Variants in RAB1A observed in about 807,000 individuals in gnomAD.
RAB1A encodes RAB1A, member RAS oncogene family, also known as ras-related protein Rab-1A.
RAB1A carries 2 observed loss-of-function variants against 26.0 expected under a neutral mutation model. That is an observed-to-expected ratio of 0.08 (90% CI 0.03 to 0.24). The LOEUF is 0.24. Among genes scored for constraint, RAB1A ranks in the 10% least tolerant of loss-of-function variants. The pLI is 1.00. For missense variants in RAB1A, 100 were observed against 247.0 expected, an observed-to-expected ratio of 0.40 and a Z score of 3.99; for synonymous variants, 84 against 84.9, an observed-to-expected ratio of 0.99 and a Z score of 0.06.
intron 1 of RAB1A, among the ~76,000 whole-genome samples, chr2:65,119,841 C>CAAAAAAAAAAAA (rs1178958164): frequency 3.6e-4 from 13 of 36,422 alleles, no homozygotes; most frequent in African/African-American, 1.3e-3. Flanking sequence ...CCTGTCTCTA[C>CAAAAAAAAAAAA]AAAAAAAAAA....
At position 65,088,466 on chromosome 2, in the gene RAB1A, G is replaced by C; in HGVS notation, c.*27C>G. On this transcript the variant is annotated 3_prime_UTR_variant, in exon 6 of 6. Transcript: ENST00000409784. ...CTTGGGTTCAGATTGCAAATTCATT[G>C]CTGTGAGAAAAGGATGGAGGCAAAT... is the stretch of plus-strand genomic sequence containing the variant. 5 of 1,569,102 alleles carry C rather than the reference G, an allele frequency of 3.2e-6. No homozygotes were observed. Among genetic ancestry groups the C allele is most frequent in the Non-Finnish European group, 4.3e-6 (5 of 1,156,438 alleles).
chr2:65,116,405 C>G (rs988288871), intron 1 of RAB1A, among the ~76,000 whole-genome samples: 1 of 152,180 alleles, frequency 6.6e-6, no homozygotes, highest in Non-Finnish European at 1.5e-5. Context: ...TGAGGCTCTA[C>G]TGCATACCAG....
chr2:65,091,973 G>A (rs942136254), intron 3 of RAB1A, among the ~76,000 whole-genome samples: 11 of 152,136 alleles, frequency 7.2e-5, no homozygotes, highest in African/African-American at 2.7e-4. Context: ...TTATAGTTCT[G>A]GGTTTTAAAA....
At chr2:65,129,763 C>T in intron 1 of RAB1A, 130 bp downstream of exon 1, 1 of 1,420,540 alleles carries the variant, frequency 7.0e-7, no homozygotes, top group South Asian at 1.3e-5. Flanking sequence ...CGGCCGCCAG[C>T]CTCTCCTGAC....
intron 3 of RAB1A, among the ~76,000 whole-genome samples, chr2:65,093,843 C>A (rs763561507): frequency 6.6e-6 from 1 of 151,972 alleles, no homozygotes; most frequent in African/African-American, 2.4e-5. Context: ...AGGCTGGTCA[C>A]GAACTCCTGA....
intron 2 of RAB1A, among the ~76,000 whole-genome samples, chr2:65,100,613 T>A (rs1455644349): frequency 2.0e-5 from 3 of 146,706 alleles, no homozygotes; most frequent in Non-Finnish European, 3.0e-5. Context: ...TACAAAAAAT[T>A]AGTGGGTGTG....
chr2:65,095,533 T>TG (rs1217517625), intron 3 of RAB1A, among the ~76,000 whole-genome samples: 29 of 148,478 alleles, frequency 2.0e-4, no homozygotes, highest in South Asian at 6.5e-4. Context: ...TTTTTTTTTT[T>TG]TGGTAGAGAT....
At chr2:65,101,006 C>G (rs1190724554) in intron 2 of RAB1A, among the ~76,000 whole-genome samples, 1 of 151,824 alleles carries the variant, frequency 6.6e-6, no homozygotes, top group Non-Finnish European at 1.5e-5. Flanking sequence ...ATTAGCCAGG[C>G]ACAGTAGTAC....
chr2:65,088,286 A>C lies in RAB1A; in HGVS notation c.*207T>G. ...TTTATAAACCAGCACACAAAGGTTT[A>C]AAACAGTTCTGAAAATGAAGTTAGC... On this transcript the variant is annotated 3_prime_UTR_variant, in exon 6 of 6. Transcript: ENST00000409784. 1 of 511,104 alleles carries C rather than the reference A, an allele frequency of 2.0e-6. No individual in the cohort carries two copies. The highest frequency in any genetic ancestry group is 3.2e-5 in the East Asian group (1 of 31,326). 31.7% of individuals were successfully genotyped at this position (511,104 alleles called of 1,614,324 possible). A position where few individuals can be genotyped will look rare whatever the true frequency, so the allele number is the denominator to read the frequency against.
intron 1 of RAB1A, among the ~76,000 whole-genome samples, chr2:65,112,016 G>T (rs571539555): frequency 6.6e-6 from 1 of 152,064 alleles, no homozygotes; most frequent in Non-Finnish European, 1.5e-5. Context: ...CTGGGAGGTA[G>T]AGGTTGCAGT....
chr2:65,109,803 T>G (rs564411215), intron 1 of RAB1A, among the ~76,000 whole-genome samples: 7 of 152,310 alleles, frequency 4.6e-5, no homozygotes, highest in East Asian at 3.9e-4. Context: ...ATCCACTGTT[T>G]CCAGTTCAGA....
intron 1 of RAB1A, among the ~76,000 whole-genome samples, chr2:65,110,505 G>C (rs543887424): frequency 4.6e-4 from 69 of 150,414 alleles, no homozygotes; most frequent in African/African-American, 1.6e-3. Flanking sequence ...GTACGTATTA[G>C]ATTATAACTC....
intron 3 of RAB1A, 116 bp from the exon 4 acceptor site, chr2:65,091,194 A>T (rs1282892473): frequency 1.4e-6 from 1 of 730,888 alleles, no homozygotes; most frequent in African/African-American, 1.8e-5. Context: ...TCAGGATGTG[A>T]TATAGAAACA....
intron 3 of RAB1A, among the ~76,000 whole-genome samples, chr2:65,097,328 A>G (rs1669312347): frequency 6.6e-6 from 1 of 152,164 alleles, no homozygotes; most frequent in African/African-American, 2.4e-5. Flanking sequence ...CTGGGGGTGT[A>G]AAGATGGATA....
chr2:65,100,900 C>G (rs1370799490), intron 2 of RAB1A, among the ~76,000 whole-genome samples: 3 of 152,044 alleles, frequency 2.0e-5, no homozygotes, highest in Non-Finnish European at 4.4e-5. Context: ...AATCCCAGCA[C>G]TTTGGGGAGC....
At chr2:65,127,454 G>A (rs1670124847) in intron 1 of RAB1A, among the ~76,000 whole-genome samples, 2 of 150,800 alleles carry the variant, frequency 1.3e-5, no homozygotes, top group African/African-American at 2.5e-5. Context: ...TATTTCTGCC[G>A]GGCGCGGTGG....
chr2:65,125,723 A>G (rs910327023), intron 1 of RAB1A, among the ~76,000 whole-genome samples: 16 of 151,646 alleles, frequency 1.1e-4, no homozygotes, highest in African/African-American at 3.6e-4. Flanking sequence ...CATGTTAAGC[A>G]TTTCTTAATG....
At chr2:65,109,552 A>T (rs1451723396) in intron 1 of RAB1A, among the ~76,000 whole-genome samples, 1 of 151,638 alleles carries the variant, frequency 6.6e-6, no homozygotes, top group East Asian at 1.9e-4. Context: ...AAAAAAAAAA[A>T]TACAAAAATT....
chr2:65,129,767 T>C, intron 1 of RAB1A, 126 bp downstream of exon 1: 2 of 1,456,194 alleles, frequency 1.4e-6, no homozygotes, highest in Non-Finnish European at 1.9e-6. Flanking sequence ...CGCCAGCCTC[T>C]CCTGACCCAT....
Sources: gnomAD v4.1 joint callset for allele counts (sites outside exome capture counted in the v4.1 genomes callset) on GRCh38, gnomAD v4.1.1 for gene constraint, MANE v1.5 for transcripts, NCBI Gene and HGNC (gene_info 2026-07-23, HGNC 2026-07-21) for gene names.